The following AGBL4 variants were observed in gnomAD, a reference collection of about 807,000 sequenced individuals.
AGBL4 encodes the protein AGBL carboxypeptidase 4.
A neutral mutation model predicts 66.4 loss-of-function variants in AGBL4; 58 were observed. The observed-to-expected ratio is 0.87, with a 90% CI of 0.71 to 1.09. The LOEUF is 1.09. AGBL4 is among the 50% of genes least tolerant of loss of function. The pLI, the probability that AGBL4 is intolerant of heterozygous loss-of-function variation, is 0.00. For synonymous variants in AGBL4, 234 were observed against 222.9 expected, an observed-to-expected ratio of 1.05 and a Z score of -0.44; for missense variants, 579 against 631.0, an observed-to-expected ratio of 0.92 and a Z score of 0.88.
At chr1:48,767,014 C>A (rs1644564363) in intron 6 of AGBL4, among the ~76,000 whole-genome samples, 1 of 152,160 alleles carries the variant, frequency 6.6e-6, no homozygotes, top group South Asian at 2.1e-4. Flanking sequence ...CCATCCTAAC[C>A]CTAATCCTGA....
chr1:49,044,859 C>A (rs1212824056), intron 5 of AGBL4, among the ~76,000 whole-genome samples: 1 of 152,176 alleles, frequency 6.6e-6, no homozygotes, highest in African/African-American at 2.4e-5. Context: ...CCCTTAAAGC[C>A]TCCAAAAGAA....
At chr1:48,663,389 C>A (rs958131786) in intron 6 of AGBL4, 148 bp from the exon 7 acceptor site, 10 of 677,330 alleles carry the variant, frequency 1.5e-5, no homozygotes, top group African/African-American at 1.2e-4. Flanking sequence ...TAAGGTCCAG[C>A]CATTGCTGAC....
intron 1 of AGBL4, among the ~76,000 whole-genome samples, chr1:49,983,481 T>G (rs1659246379): frequency 1.3e-5 from 2 of 152,234 alleles, no homozygotes; most frequent in South Asian, 4.1e-4. Flanking sequence ...TCTACTCACC[T>G]TTGGCAGGCA....
chr1:49,045,463 T>C (rs959057090), intron 5 of AGBL4, 121 bp downstream of exon 5: 3 of 692,072 alleles, frequency 4.3e-6, no homozygotes, highest in African/African-American at 3.6e-5. Flanking sequence ...GTTAGTAAAT[T>C]ATTAAAAGTT....
intron 1 of AGBL4, among the ~76,000 whole-genome samples, chr1:49,947,989 T>A (rs1286021831): frequency 4.9e-5 from 3 of 61,498 alleles, no homozygotes; most frequent in African/African-American, 7.6e-5. Context: ...AATATATATT[T>A]ATATATATAA....
intron 6 of AGBL4, among the ~76,000 whole-genome samples, chr1:48,678,165 C>T (rs1451814164): frequency 6.6e-6 from 1 of 152,146 alleles, no homozygotes; most frequent in Non-Finnish European, 1.5e-5. Context: ...TCAGCACAGC[C>T]AGCACCACGG....
chr1:48,684,351 C>T (rs1217684855), intron 6 of AGBL4, among the ~76,000 whole-genome samples: 1 of 152,228 alleles, frequency 6.6e-6, no homozygotes, highest in African/African-American at 2.4e-5. Flanking sequence ...GAAAGCAAAG[C>T]AGAAGCAGAG....
chr1:49,942,726 A>G (rs1439430294), intron 1 of AGBL4, among the ~76,000 whole-genome samples: 1 of 152,208 alleles, frequency 6.6e-6, no homozygotes, highest in Non-Finnish European at 1.5e-5. Context: ...AAACTGTAAA[A>G]CAATAAAACA....
intron 3 of AGBL4, among the ~76,000 whole-genome samples, chr1:49,528,281 A>C (rs1393230269): frequency 1.3e-5 from 2 of 152,124 alleles, no homozygotes; most frequent in African/African-American, 2.4e-5. Flanking sequence ...CATGGTACTT[A>C]TGAGACACTT....
chr1:48,599,229 T>A (rs567896738), intron 9 of AGBL4, among the ~76,000 whole-genome samples: 2 of 152,348 alleles, frequency 1.3e-5, no homozygotes, highest in African/African-American at 4.8e-5. Context: ...CTTTTTGTTT[T>A]AAGTAGAAGT....
intron 3 of AGBL4, among the ~76,000 whole-genome samples, chr1:49,556,696 TG>T (rs1329200594): frequency 6.6e-6 from 1 of 151,914 alleles, no homozygotes; most frequent in African/African-American, 2.4e-5. Flanking sequence ...GCTAGTCCAG[TG>T]CTAGGTGCCG....
At chr1:49,830,702 T>C (rs1403214095) in intron 2 of AGBL4, among the ~76,000 whole-genome samples, 3 of 152,198 alleles carry the variant, frequency 2.0e-5, no homozygotes, top group Admixed American at 2.0e-4. Context: ...TCCTGAATGG[T>C]ATTGCCTAGG....
At chr1:49,650,265 G>A (rs540565485) in intron 3 of AGBL4, among the ~76,000 whole-genome samples, 21 of 152,264 alleles carry the variant, frequency 1.4e-4, no homozygotes, top group African/African-American at 3.8e-4. Flanking sequence ...GAAAAAAGCT[G>A]GGGGCACAGA....
intron 1 of AGBL4, among the ~76,000 whole-genome samples, chr1:49,871,802 C>T (rs1571759185): frequency 1.3e-5 from 2 of 152,102 alleles, no homozygotes. Context: ...TTGTATTCCA[C>T]AGAACCAAAT....
At chr1:49,970,708 A>ACACACAC (rs1657992273) in intron 1 of AGBL4, among the ~76,000 whole-genome samples, 12 of 113,992 alleles carry the variant, frequency 1.1e-4, no homozygotes, top group African/African-American at 3.9e-4. Context: ...AAAAAAACAA[A>ACACACAC]ACACACACAC....
In AGBL4 at chr1:49,440,565, A is replaced by G. The variant is rs577257787; in HGVS notation, c.283-194701T>C. On this transcript the variant is annotated intron_variant, in intron 3 of 13. Coordinates refer to ENST00000371839, the MANE Select transcript of AGBL4 (RefSeq NM_032785.4). ...TAATAAAGTTGGTTGGTTGCTCCTA[A>G]GTTCAGTGGACAAAGTGACAAAAGA... 2.0e-5 allele frequency among the ~76,000 whole-genome samples: 3 copies of G among 152,302 alleles called. No individual in the cohort carries two copies. In the East Asian group the frequency reaches 5.8e-4, roughly 29 times the overall value.
At chr1:49,282,519 C>A (rs1057394778) in intron 3 of AGBL4, among the ~76,000 whole-genome samples, 14 of 152,136 alleles carry the variant, frequency 9.2e-5, no homozygotes, top group Non-Finnish European at 1.9e-4. Flanking sequence ...GGGGAGGACC[C>A]AAGATGGCCG....
intron 3 of AGBL4, among the ~76,000 whole-genome samples, chr1:49,257,767 C>T (rs756627424): frequency 6.6e-5 from 10 of 152,212 alleles, no homozygotes; most frequent in African/African-American, 1.2e-4. Flanking sequence ...GCGTCACTCA[C>T]GCTGGGAGCT....
At chr1:49,341,200 A>G (rs1010044809) in intron 3 of AGBL4, among the ~76,000 whole-genome samples, 8 of 152,160 alleles carry the variant, frequency 5.3e-5, no homozygotes, top group African/African-American at 1.9e-4. Flanking sequence ...ACAAGATCCA[A>G]AAAACCCTCT....
Sources: gnomAD v4.1 joint callset for allele counts (sites outside exome capture counted in the v4.1 genomes callset) on GRCh38, gnomAD v4.1.1 for gene constraint, MANE v1.5 for transcripts, NCBI Gene and HGNC (gene_info 2026-07-23, HGNC 2026-07-21) for gene names.